PCDHGB1: variants seen among roughly 807,000 people sequenced by gnomAD.
PCDHGB1 encodes protocadherin gamma-B1.
In PCDHGB1, 34 loss-of-function variants were observed where a neutral mutation model predicts 56.6. That is an observed-to-expected ratio of 0.60 (90% CI 0.46 to 0.80). The LOEUF (loss-of-function observed/expected upper bound fraction) is 0.80, where lower values mean the gene tolerates loss of function less well. Ranked by LOEUF, PCDHGB1 falls within the 30% of genes least tolerant of loss-of-function variation. The pLI, the probability that PCDHGB1 is intolerant of heterozygous loss-of-function variation, is 0.00. For synonymous variants in PCDHGB1, 561 were observed against 505.9 expected, an observed-to-expected ratio of 1.11 and a Z score of -1.46; for missense variants, 1,278 against 1,204.6, an observed-to-expected ratio of 1.06 and a Z score of -0.90.
chr5:141,376,001 C>A lies in PCDHGB1; in HGVS notation c.2409+23332C>A, dbSNP rs1554084237. On this transcript the variant is annotated intron_variant, in intron 1 of 3. Transcript: ENST00000523390. ...CCTGCTGGACAGAGACGCGCTCAAGCAGAGCCTAGTGGTGGCCGTCCAGGA... is the reference window on the plus strand; with the variant it reads ...CCTGCTGGACAGAGACGCGCTCAAGAAGAGCCTAGTGGTGGCCGTCCAGGA... 10 of 1,613,362 alleles carry A rather than the reference C, an allele frequency of 6.2e-6. No homozygotes were observed. The Admixed American group carries it at 1.7e-4, about 27-fold the overall frequency.
intron 1 of PCDHGB1, among the ~76,000 whole-genome samples, chr5:141,354,023 A>G (rs1041972716): frequency 6.6e-6 from 1 of 152,240 alleles, no homozygotes; most frequent in Non-Finnish European, 1.5e-5. Context: ...AAGTATTCAT[A>G]AGAAAGAAAG....
rs746311453 is a variant in PCDHGB1 at position 141,428,229 on chromosome 5, C to T, written c.2410-66578C>T. On this transcript the variant is annotated intron_variant, in intron 1 of 3. Coordinates refer to ENST00000523390, the MANE Select transcript of PCDHGB1 (RefSeq NM_018922.3). ...CGCTTCACCTAGTCTTCGCAGACAGCCTGCAGGAGGCACTGCCAGACTTCA... is the reference window on the plus strand; with the variant it reads ...CGCTTCACCTAGTCTTCGCAGACAGTCTGCAGGAGGCACTGCCAGACTTCA... 3 of 1,098,554 alleles carry T rather than the reference C, an allele frequency of 2.7e-6. No homozygotes were observed. In the South Asian group the frequency reaches 3.9e-5, roughly 14 times the overall value. The allele number at this position is 1,098,554 out of a possible 1,614,324, so 68.1% of individuals were successfully genotyped here.
chr5:141,419,275 G>T (rs777238100), intron 1 of PCDHGB1: 35 of 1,613,856 alleles, frequency 2.2e-5, no homozygotes, highest in Non-Finnish European at 2.9e-5. Flanking sequence ...CCTCCATAGC[G>T]CAAGTCAGTG....
chr5:141,429,073 C>CTCGATT (rs1202357717), intron 1 of PCDHGB1: 1 of 152,116 alleles, frequency 6.6e-6, no homozygotes, highest in African/African-American at 2.4e-5. Context: ...CCAGGATGGT[C>CTCGATT]TCGATTTCCT....
intron 1 of PCDHGB1, chr5:141,364,424 C>A (rs1029173533): frequency 5.0e-6 from 8 of 1,613,572 alleles, no homozygotes; most frequent in South Asian, 1.1e-5. Context: ...CGGGCAGATC[C>A]GCTACTCGAT....
chr5:141,408,316 G>A (rs1407149479), intron 1 of PCDHGB1: 3 of 1,613,750 alleles, frequency 1.9e-6, no homozygotes, highest in African/African-American at 1.3e-5. Context: ...ACTCGATTCC[G>A]GAGGAGCTGG....
At chr5:141,404,508 C>T (rs2154535422) in intron 1 of PCDHGB1, 2 of 1,613,964 alleles carry the variant, frequency 1.2e-6, no homozygotes, top group Non-Finnish European at 1.7e-6. Flanking sequence ...GCTCTGTGCT[C>T]CTTTGACTAT....
In PCDHGB1 at chr5:141,351,797, C is replaced by T. The variant is rs773768523; in HGVS notation, c.1537C>T (p.Gln513Ter). The T allele has an allele frequency of 2.4e-5, 39 of 1,613,244 alleles. No individual in the cohort carries two copies. In the Admixed American group the frequency reaches 5.3e-4, roughly 22 times the overall value. Residue 513 changes from glutamine (Q) to a stop codon, truncating the protein, a stop_gained, in exon 1 of 4, where the codon CAG becomes TAG. Coordinates refer to ENST00000523390, the MANE Select transcript of PCDHGB1 (RefSeq NM_018922.3). LOFTEE classifies it high-confidence loss of function. ...VSPQSGVVFA[Q>*]RAFDHEQLRA... The stretch of plus-strand genomic sequence containing the variant: ...CCCGCAGAGCGGGGTGGTGTTCGCG[C>T]AGCGCGCCTTCGACCACGAGCAGCT...
At chr5:141,426,374 C>G (rs908991939) in intron 1 of PCDHGB1, 2 of 219,094 alleles carry the variant, frequency 9.1e-6, no homozygotes, top group East Asian at 1.0e-4. Flanking sequence ...GGGGCACCCT[C>G]GGAGCAGATC....
chr5:141,504,705 T>C (rs960774850), intron 2 of PCDHGB1, among the ~76,000 whole-genome samples: 19 of 151,608 alleles, frequency 1.3e-4, no homozygotes, highest in Middle Eastern at 3.4e-3. Flanking sequence ...GGTTCTTCTA[T>C]GGCCGTGGAT....
Position 141,491,048 on chromosome 5 carries a change from C to T in PCDHGB1, c.2410-3759C>T, listed in dbSNP as rs755163825. The T allele has an allele frequency of 7.4e-6, 12 of 1,613,948 alleles. No individual in the cohort carries two copies. Among genetic ancestry groups the T allele is most frequent in the South Asian group, 4.4e-5 (4 of 91,090 alleles). ...GTGGATGCTGATGCAGGCCACAATG[C>T]GTGGCTCTCCTACTCACTGTTGCCA... On this transcript the variant is annotated intron_variant, in intron 1 of 3. Coordinates refer to ENST00000523390, the MANE Select transcript of PCDHGB1 (RefSeq NM_018922.3). The surrounding 1 kb of genome is among the most constrained non-coding windows in gnomAD (Gnocchi z 6.9).
At chr5:141,403,196 G>A (rs762413220) in intron 1 of PCDHGB1, 6 of 1,613,986 alleles carry the variant, frequency 3.7e-6, no homozygotes, top group East Asian at 4.5e-5. Flanking sequence ...CCCGCGCAGC[G>A]GCACCTTGGT....
intron 1 of PCDHGB1, chr5:141,356,189 G>A (rs1760147177): frequency 1.2e-6 from 2 of 1,610,782 alleles, no homozygotes; most frequent in South Asian, 1.1e-5. Flanking sequence ...CTCCGAGCTA[G>A]AAGCAAGGTA....
At chr5:141,380,103 A>T (rs1371621007) in intron 1 of PCDHGB1, among the ~76,000 whole-genome samples, 3 of 151,578 alleles carry the variant, frequency 2.0e-5, no homozygotes, top group Admixed American at 6.6e-5. Flanking sequence ...TTTTACCATG[A>T]TGGCCAGGCT....
At chr5:141,383,064 G>A (rs1384491005) in intron 1 of PCDHGB1, 1 of 1,613,928 alleles carries the variant, frequency 6.2e-7, no homozygotes, top group Non-Finnish European at 8.5e-7. Flanking sequence ...TGGGGCTGGA[G>A]CCCCGGGAGC....
intron 1 of PCDHGB1, chr5:141,383,627 C>G: frequency 1.2e-6 from 2 of 1,613,952 alleles, no homozygotes; most frequent in South Asian, 1.1e-5. Context: ...CCTGTCTTCT[C>G]TCTGCCTCAG....
At chr5:141,464,418 T>C (rs1244881278) in intron 1 of PCDHGB1, among the ~76,000 whole-genome samples, 2 of 151,652 alleles carry the variant, frequency 1.3e-5, no homozygotes, top group Non-Finnish European at 2.9e-5. Flanking sequence ...TATATATCTA[T>C]ATATATAGAT....
In PCDHGB1 at chr5:141,433,177, A is replaced by T; in HGVS notation, c.2410-61630A>T. 1.9e-6 allele frequency: 3 copies of T among 1,608,174 alleles called. No homozygotes were observed. The Middle Eastern group carries it at 5.0e-4, about 267-fold the overall frequency. Reference sequence around the variant, plus strand: ...TATTTTCTAAAGACAGTCATGGGTTAATTGAGGTGAGTTTATATCAAATCT... The same window carrying T: ...TATTTTCTAAAGACAGTCATGGGTTTATTGAGGTGAGTTTATATCAAATCT... On this transcript the variant is annotated intron_variant, in intron 1 of 3. Coordinates refer to ENST00000523390, the MANE Select transcript of PCDHGB1 (RefSeq NM_018922.3).
intron 1 of PCDHGB1, chr5:141,413,459 A>C: frequency 1.9e-6 from 3 of 1,614,080 alleles, no homozygotes; most frequent in Non-Finnish European, 2.5e-6. Flanking sequence ...GGCAGGATAG[A>C]CCGGGAGGAG....
Sources: gnomAD v4.1 joint callset for allele counts (sites outside exome capture counted in the v4.1 genomes callset) on GRCh38, gnomAD v4.1.1 for gene constraint, Gnocchi (gnomAD v3.1) non-coding constraint, MANE v1.5 for transcripts, NCBI Gene and HGNC (gene_info 2026-07-23, HGNC 2026-07-21) for gene names.